The following DYNC2H1 variants were observed in gnomAD, a reference collection of about 807,000 sequenced individuals.
DYNC2H1 encodes the protein cytoplasmic dynein 2 heavy chain 1.
DYNC2H1 carries 410 observed loss-of-function variants against 570.0 expected under a neutral mutation model. The observed-to-expected ratio is 0.72, with a 90% CI of 0.66 to 0.78. The LOEUF (loss-of-function observed/expected upper bound fraction) is 0.78. Ranked by LOEUF, DYNC2H1 falls within the 30% of genes least tolerant of loss-of-function variation. The pLI is 0.00. For synonymous variants in DYNC2H1, 1,688 were observed against 1,677.6 expected, an observed-to-expected ratio of 1.01 and a Z score of -0.15; for missense variants, 4,865 against 5,046.4, an observed-to-expected ratio of 0.96 and a Z score of 1.09.
chr11:103,425,219 G>GT (rs11384664), intron 84 of DYNC2H1, among the ~76,000 whole-genome samples: 84,367 of 151,944 alleles, frequency 0.56, 24,054 homozygotes, highest in East Asian at 0.72. Context: ...GATTACAGGT[G>GT]GCGCCACCTG....
At chr11:103,327,950 C>A (rs4754915) in intron 82 of DYNC2H1, among the ~76,000 whole-genome samples, 20,110 of 152,166 alleles carry the variant, frequency 0.13, 1,557 homozygotes, top group Admixed American at 0.24. Context: ...AAACATTCCA[C>A]CCTTATCTTA....
intron 88 of DYNC2H1, among the ~76,000 whole-genome samples, chr11:103,474,945 T>A (rs1358710097): frequency 6.6e-6 from 1 of 152,206 alleles, no homozygotes; most frequent in Non-Finnish European, 1.5e-5. Context: ...ATTTGTAGAA[T>A]GTATGTTTTT....
intron 84 of DYNC2H1, among the ~76,000 whole-genome samples, chr11:103,433,667 C>T (rs1299535968): frequency 2.0e-5 from 3 of 152,096 alleles, no homozygotes; most frequent in African/African-American, 7.2e-5. Context: ...ATGCAAAATA[C>T]AACCGTCTCC....
Position 103,325,062 on chromosome 11 carries a change from T to G in DYNC2H1, c.12039+1072T>G, listed in dbSNP as rs1938402753. ...TTGCCCACTTTTTAATGGGCTTGTTTGTTTTTTGCTTGTTAATTTCTTTAA... is the reference window on the plus strand; with the variant it reads ...TTGCCCACTTTTTAATGGGCTTGTTGGTTTTTTGCTTGTTAATTTCTTTAA... On this transcript the variant is annotated intron_variant, in intron 82 of 88. Coordinates refer to ENST00000375735, the MANE Select transcript of DYNC2H1 (RefSeq NM_001377.3). This position sits in a 1 kb window ranked among gnomAD's most constrained non-coding sequence, Gnocchi z 4.8. Among the ~76,000 whole-genome samples, 1 of 152,224 alleles carries G rather than the reference T, an allele frequency of 6.6e-6. No homozygotes were observed. Among genetic ancestry groups the G allele is most frequent in the Non-Finnish European group, 1.5e-5 (1 of 68,034 alleles).
chr11:103,297,006 A>G (rs1021601551), intron 75 of DYNC2H1, among the ~76,000 whole-genome samples: 2 of 151,444 alleles, frequency 1.3e-5, no homozygotes, highest in African/African-American at 2.4e-5. Context: ...CTTTTTTACT[A>G]TAGTTTTACC....
chr11:103,113,508 A>T (rs771753923), intron 1 of DYNC2H1, 29 bp from the exon 2 acceptor site: 28 of 1,460,750 alleles, frequency 1.9e-5, no homozygotes, highest in Non-Finnish European at 2.4e-5. Context: ...TTTTATGAAG[A>T]TAACATTAAA....
intron 18 of DYNC2H1, 101 bp from the exon 19 acceptor site, chr11:103,147,671 A>G (rs1054430491): frequency 4.2e-6 from 3 of 710,624 alleles, no homozygotes; most frequent in African/African-American, 3.7e-5. Flanking sequence ...GCTGACATAC[A>G]TTTTTAAGTG....
At position 103,303,053 on chromosome 11, in the gene DYNC2H1, ATAC is replaced by A. The variant is rs1867115340; in HGVS notation, c.11096-38_11096-36del. 12 of 1,350,086 alleles carry A rather than the reference ATAC, an allele frequency of 8.9e-6. No homozygotes were observed. The East Asian group carries it at 3.1e-4, about 35-fold the overall frequency. 83.6% of individuals were successfully genotyped at this position (1,350,086 alleles called of 1,614,324 possible). A position where few individuals can be genotyped will look rare whatever the true frequency, so the allele number is the denominator to read the frequency against. On this transcript the variant is annotated intron_variant, in intron 75 of 88. Coordinates refer to ENST00000375735, the MANE Select transcript of DYNC2H1 (RefSeq NM_001377.3). Reference sequence around the variant, plus strand: ...GATTTAATAAACTTTTTAATAATGCATACTGCTTTTATTTTTAATTTTTAAAAT... The same window carrying A: ...GATTTAATAAACTTTTTAATAATGCATGCTTTTATTTTTAATTTTTAAAAT...
In DYNC2H1 at chr11:103,154,740, C is replaced by G; in HGVS notation, c.3504C>G (p.Asp1168Glu). ...AGGAATTTTTGATGAACTGGCATGA[C>G]AGATTAAGGAAGGTTGAAGAACATT... ...LFEEFLMNWH[D>E]RLRKVEEHSV... The change falls in exon 24 of 89, where the codon GAC (aspartate) becomes GAG (glutamate). Residue 1168 changes from aspartate (D) to glutamate (E), a missense_variant. Asp to Glu is a conservative substitution (Grantham distance 45). Around this residue, in one of 5 missense-constraint regions of DYNC2H1, gnomAD observed 1,936 missense variants for 1,962.1 expected, o/e 0.99. Coordinates refer to ENST00000375735, the MANE Select transcript of DYNC2H1 (RefSeq NM_001377.3). 1 of 1,572,684 alleles carries G rather than the reference C, an allele frequency of 6.4e-7. No homozygotes were observed. Among genetic ancestry groups the G allele is most frequent in the East Asian group, 2.3e-5 (1 of 43,338 alleles).
rs375086838 is a variant in DYNC2H1, at chr11:103,347,888, T to C, written c.12040-10355T>C. Among the ~76,000 whole-genome samples the C allele has an allele frequency of 2.5e-3, 374 of 152,124 alleles. 1 individual carries two copies. The highest frequency in any genetic ancestry group is 8.6e-3 in the African/African-American group (357 of 41,496). On this transcript the variant is annotated intron_variant, in intron 82 of 88. Coordinates refer to ENST00000375735, the MANE Select transcript of DYNC2H1 (RefSeq NM_001377.3). The stretch of plus-strand genomic sequence containing the variant: ...CCAGGCACCAACCCCAGTTTCTGGA[T>C]AGGGAACTAGTGAATCAAAGAGGCA...
chr11:103,338,029 T>G (rs763721929), intron 82 of DYNC2H1, among the ~76,000 whole-genome samples: 2 of 152,224 alleles, frequency 1.3e-5, no homozygotes, highest in African/African-American at 2.4e-5. Flanking sequence ...ATTTAAGTCT[T>G]TAATCCATTT....
At chr11:103,115,352 C>A in intron 4 of DYNC2H1, 57 bp downstream of exon 4, 1 of 1,068,760 alleles carries the variant, frequency 9.4e-7, no homozygotes, top group Non-Finnish European at 1.3e-6. Context: ...CTTTGGGATT[C>A]AATTTTTACA....
At chr11:103,447,718 T>A (rs1944474687) in intron 85 of DYNC2H1, among the ~76,000 whole-genome samples, 1 of 152,184 alleles carries the variant, frequency 6.6e-6, no homozygotes, top group Non-Finnish European at 1.5e-5. Flanking sequence ...TGGAAATGTG[T>A]AACATGCTTT....
At position 103,245,844 on chromosome 11, in the gene DYNC2H1, C is replaced by T. The variant is rs1215157268; in HGVS notation, c.10042+470C>T. 6.6e-6 allele frequency among the ~76,000 whole-genome samples: 1 copy of T among 152,060 alleles called. No individual in the cohort carries two copies. The highest frequency in any genetic ancestry group is 1.5e-5 in the Non-Finnish European group (1 of 67,990). ...AATTCTTTTCTGCATAGGAACCCAG[C>T]CCAGTCTTGGATGATTAGAAGGCTA... On this transcript the variant is annotated intron_variant, in intron 65 of 88. Coordinates refer to ENST00000375735, the MANE Select transcript of DYNC2H1 (RefSeq NM_001377.3). This position sits in a 1 kb window ranked among gnomAD's most constrained non-coding sequence, Gnocchi z 4.5.
At chr11:103,192,405 C>G (rs1862354943) in intron 47 of DYNC2H1, 141 bp downstream of exon 47, 1 of 578,168 alleles carries the variant, frequency 1.7e-6, no homozygotes, top group Non-Finnish European at 2.6e-6. Flanking sequence ...AGGTACAGCT[C>G]AGTCTTTTTT....
chr11:103,333,848 T>A (rs922425852), intron 82 of DYNC2H1, among the ~76,000 whole-genome samples: 3 of 152,216 alleles, frequency 2.0e-5, no homozygotes, highest in African/African-American at 7.2e-5. Context: ...AATTTCTTTT[T>A]CTCTTTTAGT....
At chr11:103,226,540 C>T (rs891568713) in intron 59 of DYNC2H1, among the ~76,000 whole-genome samples, 21 of 152,244 alleles carry the variant, frequency 1.4e-4, no homozygotes, top group African/African-American at 5.1e-4. Flanking sequence ...GTATGTTAAA[C>T]TTGCATCCCT....
At chr11:103,109,819 C>G in intron 1 of DYNC2H1, 50 bp downstream of exon 1, 1 of 1,548,130 alleles carries the variant, frequency 6.5e-7, no homozygotes, top group Non-Finnish European at 8.8e-7. Flanking sequence ...TTCAAGTCCC[C>G]AGGCCCAGCC....
intron 81 of DYNC2H1, among the ~76,000 whole-genome samples, chr11:103,321,780 T>C (rs901784147): frequency 4.6e-5 from 7 of 152,154 alleles, no homozygotes; most frequent in African/African-American, 1.7e-4. Flanking sequence ...TACTCATCTT[T>C]TCCAGAAAAT....
Sources: allele counts gnomAD v4.1 joint callset (sites outside exome capture counted in the v4.1 genomes callset), GRCh38; gene constraint gnomAD v4.1.1; regional missense constraint gnomAD v4.1.1; non-coding constraint Gnocchi (gnomAD v3.1); transcripts MANE v1.5; gene names NCBI Gene and HGNC (gene_info 2026-07-23, HGNC 2026-07-21).